The following FRYL variants were observed in gnomAD, a reference collection of about 807,000 sequenced individuals.
The protein encoded by FRYL is protein furry homolog-like.
A neutral mutation model predicts 351.2 loss-of-function variants in FRYL; 150 were observed. That is an observed-to-expected ratio of 0.43 (90% CI 0.37 to 0.49). FRYL has a LOEUF of 0.49. FRYL is among the 20% of genes least tolerant of loss of function. The probability of loss-of-function intolerance (pLI) is 0.00; values close to 1 mark genes in which losing one functional copy is unlikely to be tolerated. For synonymous variants in FRYL, 1,153 were observed against 1,257.1 expected (o/e 0.92, Z 1.75); for missense variants, 3,036 against 3,619.3 (o/e 0.84, Z 4.13).
Position 48,512,643 on chromosome 4 carries a change from C to T in FRYL, c.7983G>A (p.Ser2661=), listed in dbSNP as rs201090827. Residue 2661 remains serine (S), a synonymous_variant, in exon 57 of 64, where the codon TCG becomes TCA. Coordinates refer to ENST00000358350, the MANE Select transcript of FRYL (RefSeq NM_015030.2). The part of the protein sequence containing the change: ...EQDGFPEVQT[S]PLPSPFLSAI... ...CAGAAAGAAATGGTGACGGCAGAGG[C>T]GACGTCTGTACTTCTGGAAAACCAT... The T allele has an allele frequency of 3.3e-5, 54 of 1,613,940 alleles. 1 individual carries two copies. The Admixed American group carries it at 4.3e-4, about 13-fold the overall frequency.
intron 3 of FRYL, chr4:48,681,010 G>A (rs2149539361): frequency 7.8e-7 from 1 of 1,284,078 alleles, no homozygotes; most frequent in East Asian, 5.6e-5. Context: ...CTTCTCAGAT[G>A]AAAGTGAGCT....
intron 2 of FRYL, among the ~76,000 whole-genome samples, chr4:48,700,619 T>C (rs1351452860): frequency 3.3e-5 from 5 of 150,880 alleles, no homozygotes; most frequent in Admixed American, 2.0e-4. Flanking sequence ...CTGGGCAACA[T>C]AGTAAGACCC....
At position 48,623,186 on chromosome 4, in the gene FRYL, T is replaced by C; in HGVS notation, c.121-7A>G. ...ATCTGGACAATAGCTTCTCCTATGATTAAAAAAAACAAACATTAAAAATAA... is the reference window on the plus strand; with the variant it reads ...ATCTGGACAATAGCTTCTCCTATGACTAAAAAAAACAAACATTAAAAATAA... On this transcript the variant is annotated splice_polypyrimidine_tract_variant and splice_region_variant and intron_variant, in intron 4 of 63. Transcript: ENST00000358350. The C allele has an allele frequency of 7.1e-7, 1 of 1,405,968 alleles. No individual in the cohort carries two copies. The highest frequency in any genetic ancestry group is 9.7e-7 in the Non-Finnish European group (1 of 1,030,012). 87.1% of individuals were successfully genotyped at this position (1,405,968 alleles called of 1,614,324 possible).
chr4:48,764,133 T>G (rs1774702123), intron 1 of FRYL, among the ~76,000 whole-genome samples: 1 of 152,028 alleles, frequency 6.6e-6, no homozygotes, highest in African/African-American at 2.4e-5. Context: ...TTGTGCCACT[T>G]AACTCCAGCC....
At chr4:48,682,106 T>G (rs1764691547) in intron 3 of FRYL, among the ~76,000 whole-genome samples, 1 of 152,198 alleles carries the variant, frequency 6.6e-6, no homozygotes, top group African/African-American at 2.4e-5. Flanking sequence ...TCTATAACTC[T>G]GAATGACACA....
intron 3 of FRYL, among the ~76,000 whole-genome samples, chr4:48,673,083 C>T (rs561747200): frequency 4.6e-5 from 7 of 152,186 alleles, no homozygotes; most frequent in East Asian, 1.9e-4. Context: ...TACCAGTATA[C>T]GATTTAAACA....
chr4:48,550,001 T>C (rs940319121), intron 38 of FRYL, among the ~76,000 whole-genome samples: 26 of 152,186 alleles, frequency 1.7e-4, no homozygotes, highest in African/African-American at 5.8e-4. Context: ...CACAGCTCCA[T>C]CTTGAAAGGA....
intron 3 of FRYL, among the ~76,000 whole-genome samples, chr4:48,683,983 A>G (rs1764920150): frequency 6.6e-6 from 1 of 152,214 alleles, no homozygotes; most frequent in Non-Finnish European, 1.5e-5. Context: ...ACAGTGGTAC[A>G]TAGAAGAATG....
At chr4:48,774,961 T>C (rs937040674) in intron 1 of FRYL, among the ~76,000 whole-genome samples, 3 of 152,256 alleles carry the variant, frequency 2.0e-5, no homozygotes, top group African/African-American at 7.2e-5. Context: ...CAGCAAAATA[T>C]GAGTTATTTG....
chr4:48,579,918 T>C (rs182590774), intron 22 of FRYL, among the ~76,000 whole-genome samples: 20 of 152,274 alleles, frequency 1.3e-4, no homozygotes, highest in Non-Finnish European at 2.1e-4. Context: ...ATGGATACAC[T>C]AACTACCCTG....
intron 33 of FRYL, 37 bp from the exon 34 acceptor site, chr4:48,557,749 T>C: frequency 1.2e-6 from 2 of 1,607,024 alleles, no homozygotes; most frequent in Middle Eastern, 1.7e-4. Flanking sequence ...ACTGATGTAA[T>C]TTCAGCTTCC....
At chr4:48,747,854 T>G (rs116634786) in intron 1 of FRYL, among the ~76,000 whole-genome samples, 1 of 152,214 alleles carries the variant, frequency 6.6e-6, no homozygotes, top group Non-Finnish European at 1.5e-5. Context: ...ATAAATTCCA[T>G]GCTTATAAAA....
At chr4:48,523,434 A>G (rs1725321842) in intron 53 of FRYL, 1 of 204,106 alleles carries the variant, frequency 4.9e-6, no homozygotes, top group Non-Finnish European at 1.0e-5. Flanking sequence ...AAGAAGACAA[A>G]TACATCACAG....
intron 59 of FRYL, chr4:48,506,313 T>A (rs1213852312): frequency 1.3e-5 from 2 of 151,764 alleles, no homozygotes; most frequent in Non-Finnish European, 2.9e-5. Flanking sequence ...CGGGGAGGAC[T>A]GCTAGAGGGC....
In FRYL at chr4:48,744,547, T is replaced by G. The variant is rs181934903; in HGVS notation, c.-383-33849A>C. On this transcript the variant is annotated intron_variant, in intron 1 of 63. Coordinates refer to ENST00000358350, the MANE Select transcript of FRYL (RefSeq NM_015030.2). ...AACAAATAGTTGCATATGCCTGATT[T>G]TTTTTCTTTTTCTTAAATCAAAGGC... 1.1e-3 allele frequency among the ~76,000 whole-genome samples: 166 copies of G among 152,306 alleles called. 1 individual carries two copies. The highest frequency in any genetic ancestry group is 4.4e-3 in the Admixed American group (67 of 15,308).
intron 26 of FRYL, chr4:48,572,063 G>A (rs1738443141): frequency 2.3e-6 from 2 of 876,864 alleles, no homozygotes; most frequent in Non-Finnish European, 2.7e-6. Flanking sequence ...AAAGGAGAAT[G>A]AGGAATTGCA....
At chr4:48,748,807 A>G (rs577369641) in intron 1 of FRYL, among the ~76,000 whole-genome samples, 1 of 152,324 alleles carries the variant, frequency 6.6e-6, no homozygotes, top group East Asian at 1.9e-4. Flanking sequence ...AAGCTATCAG[A>G]AGAAAAAGTA....
At chr4:48,632,129 TGCGCACACAAA>T (rs1753328050) in intron 4 of FRYL, among the ~76,000 whole-genome samples, 2 of 108,666 alleles carry the variant, frequency 1.8e-5, no homozygotes, top group Non-Finnish European at 3.6e-5. Flanking sequence ...TATATATATA[TGCGCACACAAA>T]ATCTCAAATA....
At chr4:48,777,701 T>TAA (rs1776168871) in intron 1 of FRYL, among the ~76,000 whole-genome samples, 1 of 152,382 alleles carries the variant, frequency 6.6e-6, no homozygotes, top group African/African-American at 2.4e-5. Context: ...GAAATTCTTT[T>TAA]ATTGTTTAAA....
Sources: gnomAD v4.1 joint callset for allele counts (sites outside exome capture counted in the v4.1 genomes callset) on GRCh38, gnomAD v4.1.1 for gene constraint, MANE v1.5 for transcripts, NCBI Gene and HGNC (gene_info 2026-07-23, HGNC 2026-07-21) for gene names.